Variants in FAT4 observed in about 807,000 individuals in gnomAD.
The protein encoded by FAT4 is protocadherin Fat 4.
A neutral mutation model predicts 303.9 loss-of-function variants in FAT4; 84 were observed. The observed-to-expected ratio is 0.28, with a 90% CI of 0.23 to 0.33. FAT4 has a LOEUF of 0.33. Ranked by LOEUF, FAT4 falls within the 10% of genes least tolerant of loss-of-function variation. The probability of loss-of-function intolerance (pLI) is 1.00; values close to 1 mark genes in which losing one functional copy is unlikely to be tolerated. For missense variants in FAT4, 6,005 were observed against 6,146.8 expected (o/e 0.98, Z 0.77); for synonymous variants, 2,307 against 2,298.8 (o/e 1.00, Z -0.10).
rs200789529 is a variant in FAT4, at chr4:125,406,952, G to A, written c.5380G>A (p.Gly1794Arg). ...DDSFRIDPES[G>R]DLIATRRLDR... ...TAGTTTTCGCATCGACCCAGAATCC[G>A]GAGATCTGATAGCAACCAGGCGGTT... is the stretch of plus-strand genomic sequence containing the variant. Residue 1794 changes from glycine to arginine, a missense_variant, in exon 4 of 18, where the codon GGA (glycine) becomes AGA (arginine). Transcript: ENST00000394329. 1.4e-5 allele frequency: 23 copies of A among 1,613,760 alleles called. No individual in the cohort carries two copies. The highest frequency in any genetic ancestry group is 5.0e-5 in the Admixed American group (3 of 59,968).
intron 2 of FAT4, among the ~76,000 whole-genome samples, chr4:125,334,919 G>A (rs1046284232): frequency 2.0e-5 from 3 of 152,012 alleles, no homozygotes; most frequent in South Asian, 2.1e-4. Flanking sequence ...GTGTTGCAAC[G>A]CCAGCTTAAT....
chr4:125,397,206 T>G (rs1734220929), intron 2 of FAT4, among the ~76,000 whole-genome samples: 1 of 152,122 alleles, frequency 6.6e-6, no homozygotes, highest in Non-Finnish European at 1.5e-5. Context: ...AAGCATTTTC[T>G]TTACCTATAT....
chr4:125,431,094 G>T (rs1027618746), intron 7 of FAT4, among the ~76,000 whole-genome samples: 1 of 152,156 alleles, frequency 6.6e-6, no homozygotes, highest in Non-Finnish European at 1.5e-5. Context: ...GACAAAGAAA[G>T]AAATCACATA....
intron 12 of FAT4, 54 bp downstream of exon 12, chr4:125,468,873 G>A: frequency 6.6e-7 from 1 of 1,520,816 alleles, no homozygotes; most frequent in Admixed American, 1.9e-5. Context: ...TTCAAATAAA[G>A]TATGAATTGG....
At chr4:125,466,443 T>C in intron 11 of FAT4, among the ~76,000 whole-genome samples, 1 of 151,936 alleles carries the variant, frequency 6.6e-6, no homozygotes, top group South Asian at 2.1e-4. Context: ...ATTTTTTCAG[T>C]AGTATTTTTA....
In FAT4 at chr4:125,336,459, C is replaced by A. The variant is rs73845982; in HGVS notation, c.5175+14873C>A. Among the ~76,000 whole-genome samples, 1,307 of 151,846 alleles carry A rather than the reference C, an allele frequency of 8.6e-3. 18 individuals are homozygous for A. Among genetic ancestry groups the A allele is most frequent in the African/African-American group, 0.03 (1,236 of 41,460 alleles). On this transcript the variant is annotated intron_variant, in intron 2 of 17. Transcript: ENST00000394329. ...AATATAATCCACCCGCCTAGGGAAA[C>A]GAATAAAAATATAACCTTTGTTAAA...
At chr4:125,387,622 A>T (rs1733804230) in intron 2 of FAT4, among the ~76,000 whole-genome samples, 1 of 152,156 alleles carries the variant, frequency 6.6e-6, no homozygotes, top group African/African-American at 2.4e-5. Flanking sequence ...AGAACTTGAT[A>T]TGTATTATTT....
chr4:125,359,614 C>G (rs1341854414), intron 2 of FAT4, among the ~76,000 whole-genome samples: 1 of 151,972 alleles, frequency 6.6e-6, no homozygotes, highest in East Asian at 1.9e-4. Context: ...CCTTTTAAAT[C>G]AAAAACATAC....
chr4:125,439,420 C>A (rs1423900596), intron 8 of FAT4, among the ~76,000 whole-genome samples: 3 of 151,862 alleles, frequency 2.0e-5, no homozygotes, highest in African/African-American at 7.3e-5. Context: ...GCAACCTCCG[C>A]CTTCCAGGTT....
intron 16 of FAT4, 150 bp from the exon 17 acceptor site, chr4:125,487,195 C>T: frequency 1.7e-6 from 1 of 597,850 alleles, no homozygotes; most frequent in Non-Finnish European, 2.7e-6. Flanking sequence ...AAATTAGAGA[C>T]AAAGTGTGTA....
At position 125,451,747 on chromosome 4, in the gene FAT4, T is replaced by A; in HGVS notation, c.10737T>A (p.Ile3579=). The change falls in exon 10 of 18, where the codon ATT becomes ATA. Residue 3579 remains isoleucine (I), a synonymous_variant. Transcript: ENST00000394329. Reference sequence around the variant, plus strand: ...CCAGAGAGATTGACAGAGAGCAGATTGCAGACTTCTATCTGTCTGTGGTTA... The same window carrying A: ...CCAGAGAGATTGACAGAGAGCAGATAGCAGACTTCTATCTGTCTGTGGTTA... ...STTREIDREQ[I]ADFYLSVVTK... The A allele has an allele frequency of 6.2e-7, 1 of 1,614,214 alleles. No individual in the cohort carries two copies. Among genetic ancestry groups the A allele is most frequent in the Non-Finnish European group, 8.5e-7 (1 of 1,180,018 alleles).
intron 2 of FAT4, among the ~76,000 whole-genome samples, chr4:125,368,438 A>G (rs1313180609): frequency 2.0e-5 from 3 of 150,248 alleles, no homozygotes; most frequent in African/African-American, 7.3e-5. Flanking sequence ...CCTGACTGGT[A>G]AAGTCTTTGG....
intron 2 of FAT4, among the ~76,000 whole-genome samples, chr4:125,324,044 A>T (rs1224759068): frequency 1.3e-5 from 2 of 152,170 alleles, no homozygotes; most frequent in Non-Finnish European, 1.5e-5. Context: ...GTGTCCAGTT[A>T]TACACCTTTA....
Position 125,380,182 on chromosome 4 carries a change from C to A in FAT4, c.5176-18602C>A, listed in dbSNP as rs9884777. Among the ~76,000 whole-genome samples, 36 of 152,230 alleles carry A rather than the reference C, an allele frequency of 2.4e-4. No homozygotes were observed. The South Asian group carries it at 2.5e-3, about 11-fold the overall frequency. On this transcript the variant is annotated intron_variant, in intron 2 of 17. Transcript: ENST00000394329. ...TGCTGGGATTACAGGCGTGAGCCAC[C>A]GCGCCTGGTGTTCACTCTTAGGGAA...
chr4:125,484,754 C>G (rs1560635640), intron 16 of FAT4, among the ~76,000 whole-genome samples: 1 of 152,036 alleles, frequency 6.6e-6, no homozygotes, highest in Non-Finnish European at 1.5e-5. Context: ...GTACTAAATA[C>G]TGTAGGCAAT....
Position 125,490,298 on chromosome 4 carries a change from T to C in FAT4, c.13482T>C (p.Ser4494=). ...GSPAGHVCVL[S]QGPEEISLPL... ...CTGCGGGGCATGTCTGTGTTCTGAG[T>C]CAGGGCCCTGAAGAGATCTCTCTGC... Residue 4494 remains serine, a synonymous_variant, in exon 18 of 18, where the codon AGT becomes AGC. Coordinates refer to ENST00000394329, the MANE Select transcript of FAT4 (RefSeq NM_001291303.3). 1 of 1,613,968 alleles carries C rather than the reference T, an allele frequency of 6.2e-7. No individual in the cohort carries two copies. The highest frequency in any genetic ancestry group is 8.5e-7 in the Non-Finnish European group (1 of 1,180,010).
In FAT4 at chr4:125,490,212, A is replaced by G; in HGVS notation, c.13396A>G (p.Met4466Val). 2 of 1,614,020 alleles carry G rather than the reference A, an allele frequency of 1.2e-6. No homozygotes were observed. The change falls in exon 18 of 18, where the codon ATG becomes GTG. Residue 4466 changes from methionine (M) to valine (V), a missense_variant. By Grantham distance (21) the Met-to-Val change is conservative. Coordinates refer to ENST00000394329, the MANE Select transcript of FAT4 (RefSeq NM_001291303.3). The stretch of plus-strand genomic sequence containing the variant: ...CTCGCACACGGGAAGGACCTGTGAG[A>G]TGGTGGTGGCCTGTCTTGGCGTCCT... ...PDSHTGRTCE[M>V]VVACLGVLCP... is the part of the protein sequence containing the mutation.
chr4:125,484,060 TACACACACACACACAC>T (rs34883833), intron 16 of FAT4, among the ~76,000 whole-genome samples: 20 of 138,158 alleles, frequency 1.4e-4, no homozygotes, highest in Non-Finnish European at 2.7e-4. Flanking sequence ...CAGACACACA[TACACACACACACACAC>T]ACACACACAC....
At chr4:125,387,532 C>CT (rs1290363470) in intron 2 of FAT4, among the ~76,000 whole-genome samples, 2 of 152,126 alleles carry the variant, frequency 1.3e-5, no homozygotes, top group African/African-American at 4.8e-5. Context: ...CTGATGAACT[C>CT]TCCCCAATCT....
Sources: gnomAD v4.1 joint callset for allele counts (sites outside exome capture counted in the v4.1 genomes callset) on GRCh38, gnomAD v4.1.1 for gene constraint, MANE v1.5 for transcripts, NCBI Gene and HGNC (gene_info 2026-07-23, HGNC 2026-07-21) for gene names.